Variants in PGBD2 observed in about 807,000 individuals in gnomAD.
PGBD2 encodes piggyBac transposable element derived 2, also known as piggyBac transposable element-derived protein 2.
A neutral mutation model predicts 8.1 loss-of-function variants in PGBD2; 6 were observed. That is an observed-to-expected ratio of 0.74 (90% CI 0.40 to 1.46). The LOEUF is 1.46. Among genes scored for constraint, PGBD2 ranks in the 40% most tolerant of loss-of-function variants. The pLI is 0.02. For missense variants in PGBD2, 802 were observed against 739.0 expected (o/e 1.09, Z -0.99); for synonymous variants, 318 against 272.2 (o/e 1.17, Z -1.66).
chr1:248,907,351 T>A (rs1235312873), intron 1 of PGBD2, among the ~76,000 whole-genome samples: 1 of 152,242 alleles, frequency 6.6e-6, no homozygotes, highest in African/African-American at 2.4e-5. Context: ...TATCTCAGAA[T>A]TGAACAAATG....
chr1:248,916,379 G>T (rs1056257231), intron 2 of PGBD2, among the ~76,000 whole-genome samples: 2 of 152,028 alleles, frequency 1.3e-5, no homozygotes, highest in African/African-American at 4.8e-5. Flanking sequence ...CTCCAGCCTG[G>T]GTGACAGAGC....
At position 248,918,902 on chromosome 1, in the gene PGBD2, TACAC is replaced by T. The variant is rs1281139047; in HGVS notation, c.*541_*544del. The T allele has an allele frequency of 2.4e-5, 4 of 167,062 alleles. No individual in the cohort carries two copies. The highest frequency in any genetic ancestry group is 4.1e-4 in the South Asian group (2 of 4,836). 10.3% of individuals were successfully genotyped at this position (167,062 alleles called of 1,614,324 possible). ...TTTCTTAATGAAAATATTTTCCTAA[TACAC>T]ATATATCAATGTGAGATTCATTTTT... On this transcript the variant is annotated 3_prime_UTR_variant, in exon 3 of 3. Transcript: ENST00000329291.
chr1:248,929,813 ACTCT>A, the PGBD2 span, among the ~76,000 whole-genome samples: 3 of 152,010 alleles, frequency 2.0e-5, no homozygotes, highest in African/African-American at 7.3e-5. Flanking sequence ...AGTGCAGGAA[ACTCT>A]CTCAGTGTGG....
At chr1:248,883,573 CT>C in the PGBD2 span, among the ~76,000 whole-genome samples, 77 of 112,448 alleles carry the variant, frequency 6.8e-4, no homozygotes, top group Middle Eastern at 4.9e-3. Context: ...CTGATAGTTT[CT>C]TTTTTTTTTC....
the PGBD2 span, among the ~76,000 whole-genome samples, chr1:248,890,305 T>C: frequency 1.3e-5 from 2 of 152,188 alleles, no homozygotes; most frequent in African/African-American, 4.8e-5. Context: ...GTTTGTTTTC[T>C]GAAATAAACC....
chr1:248,889,345 A>G, the PGBD2 span, among the ~76,000 whole-genome samples: 1 of 152,160 alleles, frequency 6.6e-6, no homozygotes, highest in Non-Finnish European at 1.5e-5. Flanking sequence ...AGATCATGCC[A>G]CTGCACTCCA....
In PGBD2 at chr1:248,916,899, T is replaced by A; in HGVS notation, c.315T>A (p.Val105=). 1.2e-6 allele frequency: 2 copies of A among 1,614,042 alleles called. No homozygotes were observed. Among genetic ancestry groups the A allele is most frequent in the Non-Finnish European group, 1.7e-6 (2 of 1,180,024 alleles). Residue 105 remains valine, a synonymous_variant, in exon 3 of 3, where the codon GTT becomes GTA. Coordinates refer to ENST00000329291, the MANE Select transcript of PGBD2 (RefSeq NM_170725.3). ...LQPAKKRQKA[V]VKPQRIWTKR... is the part of the protein sequence containing the mutation. ...CAGCCAAGAAGAGGCAGAAAGCAGT[T>A]GTGAAACCTCAGCGCATTTGGACCA... is the stretch of plus-strand genomic sequence containing the variant.
downstream of PGBD2, among the ~76,000 whole-genome samples, chr1:248,922,261 G>A (rs1439256677): frequency 7.2e-5 from 11 of 152,086 alleles, no homozygotes; most frequent in African/African-American, 2.2e-4. Flanking sequence ...GGGTTTCACC[G>A]TGTTAGCCAG....
chr1:248,918,573 A>T lies in PGBD2; in HGVS notation c.*210A>T. The T allele has an allele frequency of 3.6e-6, 1 of 277,342 alleles. No homozygotes were observed. 17.2% of individuals were successfully genotyped at this position (277,342 alleles called of 1,614,324 possible). On this transcript the variant is annotated 3_prime_UTR_variant, in exon 3 of 3. Coordinates refer to ENST00000329291, the MANE Select transcript of PGBD2 (RefSeq NM_170725.3). ...TAAATTAATATTTATATTCATTTAT[A>T]TTTATATTTTTGAACTTATTTATTT...
At chr1:248,924,238 T>A (rs530299777), downstream of PGBD2, among the ~76,000 whole-genome samples, 1 of 152,344 alleles carries the variant, frequency 6.6e-6, no homozygotes, top group East Asian at 1.9e-4. Context: ...GAGTTCTTTC[T>A]TATGCGCTTT....
chr1:248,913,546 A>G lies in PGBD2; in HGVS notation c.-47-270A>G, dbSNP rs559489341. Among the ~76,000 whole-genome samples the G allele has an allele frequency of 7.9e-5, 12 of 152,306 alleles. No individual in the cohort carries two copies. In the South Asian group the frequency reaches 1.7e-3, roughly 21 times the overall value. ...ATTAGTAGAAGCCAGGGATGCCGCT[A>G]AACATCCTAGAATGCAGTGGAAAGC... is the stretch of plus-strand genomic sequence containing the variant. On this transcript the variant is annotated intron_variant, in intron 1 of 2. Transcript: ENST00000329291.
At chr1:248,925,734 TAGAC>T in the PGBD2 span, among the ~76,000 whole-genome samples, 130 of 152,068 alleles carry the variant, frequency 8.5e-4, 1 homozygote, top group African/African-American at 2.4e-3. Context: ...GGGACAGAAA[TAGAC>T]AGACAGAGAA....
At chr1:248,894,246 G>T in the PGBD2 span, among the ~76,000 whole-genome samples, 4 of 151,248 alleles carry the variant, frequency 2.6e-5, no homozygotes, top group Non-Finnish European at 5.9e-5. Flanking sequence ...AAACTTTTTA[G>T]TTTGATATAG....
At chr1:248,874,242 A>T in the PGBD2 span, among the ~76,000 whole-genome samples, 15 of 152,014 alleles carry the variant, frequency 9.9e-5, no homozygotes, top group Admixed American at 5.2e-4. Flanking sequence ...ATGACGCATC[A>T]TGTCTTCCCT....
At chr1:248,873,903 T>A in the PGBD2 span, among the ~76,000 whole-genome samples, 1 of 152,230 alleles carries the variant, frequency 6.6e-6, no homozygotes, top group Non-Finnish European at 1.5e-5. Context: ...GTAAGCACCT[T>A]GCCTGCGGGC....
chr1:248,875,151 C>G, the PGBD2 span, among the ~76,000 whole-genome samples: 2 of 151,900 alleles, frequency 1.3e-5, no homozygotes, highest in East Asian at 3.9e-4. Flanking sequence ...CAAAAATTAG[C>G]TGAGCGTGGT....
chr1:248,915,208 G>T (rs1476581037), intron 2 of PGBD2, among the ~76,000 whole-genome samples: 1 of 152,236 alleles, frequency 6.6e-6, no homozygotes, highest in African/African-American at 2.4e-5. Context: ...GCTGTGCAGG[G>T]TGGGAGTGGA....
At chr1:248,921,278 T>TA (rs1381280514), downstream of PGBD2, among the ~76,000 whole-genome samples, 3 of 152,226 alleles carry the variant, frequency 2.0e-5, no homozygotes, top group Admixed American at 1.3e-4. Flanking sequence ...TTCTAGGTCT[T>TA]ACGTTTAAGT....
the PGBD2 span, among the ~76,000 whole-genome samples, chr1:248,874,893 T>C: frequency 6.7e-6 from 1 of 148,266 alleles, no homozygotes; most frequent in Non-Finnish European, 1.5e-5. Context: ...GGTAGATAGA[T>C]AGGTAGATAG....
Sources: allele counts gnomAD v4.1 joint callset (sites outside exome capture counted in the v4.1 genomes callset), GRCh38; gene constraint gnomAD v4.1.1; transcripts MANE v1.5; gene names NCBI Gene and HGNC (gene_info 2026-07-23, HGNC 2026-07-21).